Variants in R3HDM1 observed in about 807,000 individuals in gnomAD.
The protein encoded by R3HDM1 is R3H domain containing 1.
In R3HDM1, 46 loss-of-function variants were observed where a neutral mutation model predicts 141.1. The ratio of observed to expected loss-of-function variants is 0.33; its 90% CI spans 0.26 to 0.42. R3HDM1 has a LOEUF of 0.42. Ranked by LOEUF, R3HDM1 falls within the 10% of genes least tolerant of loss-of-function variation. R3HDM1 has a pLI of 1.00. For missense variants in R3HDM1, 1,184 were observed against 1,368.3 expected, an observed-to-expected ratio of 0.87 and a Z score of 2.12; for synonymous variants, 435 against 472.9, an observed-to-expected ratio of 0.92 and a Z score of 1.04.
At chr2:135,667,698 A>G (rs1334242324) in intron 19 of R3HDM1, 1 of 977,160 alleles carries the variant, frequency 1.0e-6, no homozygotes, top group East Asian at 1.1e-4. Context: ...ACCTGTTGAT[A>G]CTTTTCATTC....
At chr2:135,582,563 C>A (rs914468444) in intron 1 of R3HDM1, among the ~76,000 whole-genome samples, 2 of 152,100 alleles carry the variant, frequency 1.3e-5, no homozygotes, top group Non-Finnish European at 2.9e-5. Context: ...TTGGGGAGAT[C>A]AGCTTACTCA....
intron 21 of R3HDM1, among the ~76,000 whole-genome samples, chr2:135,684,834 C>G (rs1180545243): frequency 6.6e-6 from 1 of 152,016 alleles, no homozygotes; most frequent in Admixed American, 6.6e-5. Context: ...ATGATCATGG[C>G]TTACTGCAAC....
chr2:135,631,690 A>G, intron 7 of R3HDM1, 28 bp from the exon 8 acceptor site: 5 of 1,533,864 alleles, frequency 3.3e-6, no homozygotes, highest in Non-Finnish European at 2.6e-6. Context: ...TAAGTTTTAC[A>G]TATAAGAGTC....
chr2:135,707,001 G>A (rs976833311), intron 21 of R3HDM1, among the ~76,000 whole-genome samples: 24 of 152,058 alleles, frequency 1.6e-4, no homozygotes, highest in East Asian at 1.5e-3. Flanking sequence ...CTGGCCGGGC[G>A]GGGGGCTGAC....
At chr2:135,688,620 C>G (rs1361940961) in intron 21 of R3HDM1, among the ~76,000 whole-genome samples, 1 of 152,102 alleles carries the variant, frequency 6.6e-6, no homozygotes, top group Non-Finnish European at 1.5e-5. Flanking sequence ...AAACACTCCT[C>G]AAATAGTGTT....
rs953630074 is a variant in R3HDM1 at position 135,691,879 on chromosome 2, A to G, written c.2459+11555A>G. Among the ~76,000 whole-genome samples the G allele has an allele frequency of 3.3e-5, 5 of 152,094 alleles. No individual in the cohort carries two copies. In the South Asian group the frequency reaches 8.3e-4, roughly 25 times the overall value. ...TTGCCCTTTCTGGAAAGCAGTCACTATACACCAATATAATCACTAGAGTTT... is the reference window on the plus strand; with the variant it reads ...TTGCCCTTTCTGGAAAGCAGTCACTGTACACCAATATAATCACTAGAGTTT... On this transcript the variant is annotated intron_variant, in intron 21 of 26. Transcript: ENST00000683871.
intron 21 of R3HDM1, among the ~76,000 whole-genome samples, chr2:135,708,244 A>G (rs1000629692): frequency 5.3e-5 from 8 of 152,218 alleles, no homozygotes; most frequent in African/African-American, 1.9e-4. Context: ...AGGTTAATTC[A>G]TTAATTACAT....
In R3HDM1 at chr2:135,602,596, A is replaced by G; in HGVS notation, c.-153A>G. ...GACATGGGACTCCTCCTGCCAGATT[A>G]CAGATGGTTCACTACAGTTGACATC... On this transcript the variant is annotated 5_prime_UTR_variant, in exon 2 of 27. Transcript: ENST00000683871. 2 of 1,542,316 alleles carry G rather than the reference A, an allele frequency of 1.3e-6. No homozygotes were observed. The highest frequency in any genetic ancestry group is 1.7e-4 in the Middle Eastern group (1 of 5,954).
chr2:135,643,457 G>A (rs1315288290), intron 15 of R3HDM1, among the ~76,000 whole-genome samples: 1 of 151,634 alleles, frequency 6.6e-6, no homozygotes, highest in Non-Finnish European at 1.5e-5. Flanking sequence ...TGGAAGAACA[G>A]ATGTTTTTAA....
At chr2:135,597,234 C>A in intron 1 of R3HDM1, 1 of 978,858 alleles carries the variant, frequency 1.0e-6, no homozygotes, top group Non-Finnish European at 1.2e-6. Flanking sequence ...TTAACCTCTT[C>A]ATGGTTTAAC....
At position 135,721,905 on chromosome 2, in the gene R3HDM1, A is replaced by T; in HGVS notation, c.2882-19A>T. 3 of 1,598,854 alleles carry T rather than the reference A, an allele frequency of 1.9e-6. No homozygotes were observed. The highest frequency in any genetic ancestry group is 2.6e-6 in the Non-Finnish European group (3 of 1,166,556). Reference sequence around the variant, plus strand: ...GCCCGGCCTCTGGCAATAAAATAAAATATTTTATTGACTTTCAGGAGATTC... The same window carrying T: ...GCCCGGCCTCTGGCAATAAAATAAATTATTTTATTGACTTTCAGGAGATTC... On this transcript the variant is annotated intron_variant, in intron 24 of 26. Coordinates refer to ENST00000683871, the MANE Select transcript of R3HDM1 (RefSeq NM_001378107.1).
chr2:135,566,707 A>C, intron 1 of R3HDM1: 1 of 983,478 alleles, frequency 1.0e-6, no homozygotes, highest in Admixed American at 6.1e-5. Flanking sequence ...GGTTCAGATT[A>C]AGGTTTGTTA....
chr2:135,681,763 C>T (rs1363708301), intron 21 of R3HDM1, among the ~76,000 whole-genome samples: 3 of 152,130 alleles, frequency 2.0e-5, no homozygotes, highest in African/African-American at 2.4e-5. Flanking sequence ...TTGGACTGGA[C>T]ATGAGCTGCC....
intron 3 of R3HDM1, among the ~76,000 whole-genome samples, chr2:135,610,311 G>A (rs911183400): frequency 3.3e-5 from 5 of 152,176 alleles, no homozygotes; most frequent in African/African-American, 1.2e-4. Context: ...TTAACAATAG[G>A]ATAGGGAGTC....
At chr2:135,601,964 CT>C (rs755867675) in intron 1 of R3HDM1, among the ~76,000 whole-genome samples, 531 of 108,020 alleles carry the variant, frequency 4.9e-3, no homozygotes, top group East Asian at 0.013. Context: ...ACCCAGCCAA[CT>C]TTTTTTTTTT....
intron 1 of R3HDM1, among the ~76,000 whole-genome samples, chr2:135,570,091 C>T (rs1703770458): frequency 2.0e-5 from 3 of 152,124 alleles, no homozygotes; most frequent in South Asian, 2.1e-4. Context: ...TTAGAAAAAT[C>T]GATTTCCTCA....
intron 1 of R3HDM1, among the ~76,000 whole-genome samples, chr2:135,542,864 G>A (rs58550684): frequency 0.044 from 6,740 of 152,118 alleles, 500 homozygotes; most frequent in African/African-American, 0.16. Flanking sequence ...TCAGCCTCCC[G>A]AGTAGCTGGG....
At chr2:135,653,308 AT>A (rs1401877387) in intron 18 of R3HDM1, among the ~76,000 whole-genome samples, 1 of 152,204 alleles carries the variant, frequency 6.6e-6, no homozygotes, top group Non-Finnish European at 1.5e-5. Flanking sequence ...GTGAGCTGAG[AT>A]TGAGCCACTG....
chr2:135,672,679 T>C lies in R3HDM1; in HGVS notation c.2153-2653T>C, dbSNP rs1298999249. Among the ~76,000 whole-genome samples, 7 of 152,294 alleles carry C rather than the reference T, an allele frequency of 4.6e-5. No homozygotes were observed. The East Asian group carries it at 9.7e-4, about 21-fold the overall frequency. On this transcript the variant is annotated intron_variant, in intron 19 of 26. Coordinates refer to ENST00000683871, the MANE Select transcript of R3HDM1 (RefSeq NM_001378107.1). ...TGACTAGATGCTGAGATCAACTGTT[T>C]TATATTTCATGTCAAATTTTCAAAA...
Sources: allele counts gnomAD v4.1 joint callset (sites outside exome capture counted in the v4.1 genomes callset), GRCh38; gene constraint gnomAD v4.1.1; transcripts MANE v1.5; gene names NCBI Gene and HGNC (gene_info 2026-07-23, HGNC 2026-07-21).